Variants in THSD4 observed in about 807,000 individuals in gnomAD.
THSD4 encodes thrombospondin type-1 domain-containing protein 4.
THSD4 carries 69 observed loss-of-function variants against 119.0 expected under a neutral mutation model. The observed-to-expected ratio is 0.58, with a 90% CI of 0.48 to 0.71. THSD4 has a LOEUF of 0.71. THSD4 is among the 30% of genes least tolerant of loss of function. The pLI is 0.00. For missense variants in THSD4, 1,393 were observed against 1,391.1 expected (o/e 1.00, Z -0.02); for synonymous variants, 524 against 540.4 (o/e 0.97, Z 0.42).
chr15:71,583,638 T>C (rs1450160770), intron 7 of THSD4, among the ~76,000 whole-genome samples: 1 of 152,190 alleles, frequency 6.6e-6, no homozygotes, highest in Non-Finnish European at 1.5e-5. Context: ...ATTTTTATTT[T>C]CCCTTTCGAT....
At chr15:71,574,716 C>CCTCTAAACATGAGGT (rs1474959171) in intron 7 of THSD4, among the ~76,000 whole-genome samples, 1 of 152,104 alleles carries the variant, frequency 6.6e-6, no homozygotes, top group Admixed American at 6.6e-5. Flanking sequence ...TGATACAAGA[C>CCTCTAAACATGAGGT]CTCTAAACAT....
chr15:71,737,626 G>A (rs1318593284), intron 10 of THSD4, 106 bp from the exon 11 acceptor site: 9 of 1,425,326 alleles, frequency 6.3e-6, no homozygotes, highest in Non-Finnish European at 8.4e-6. Flanking sequence ...CTGTGACTTA[G>A]AAACGATCTC....
intron 7 of THSD4, among the ~76,000 whole-genome samples, chr15:71,651,630 T>C (rs6494952): frequency 0.4 from 60,781 of 151,924 alleles, 13,075 homozygotes; most frequent in East Asian, 0.9. Flanking sequence ...AATACAAGAT[T>C]TGAATATTTC....
chr15:71,568,730 T>A (rs1457831913), intron 7 of THSD4, among the ~76,000 whole-genome samples: 3 of 152,156 alleles, frequency 2.0e-5, no homozygotes, highest in African/African-American at 7.2e-5. Context: ...CCTCATGCTA[T>A]CCCTCCCCCT....
At chr15:71,772,615 G>T (rs981006745) in intron 17 of THSD4, among the ~76,000 whole-genome samples, 3 of 152,056 alleles carry the variant, frequency 2.0e-5, no homozygotes, top group Non-Finnish European at 2.9e-5. Context: ...AAAACTATTA[G>T]GTTGGTGCAA....
intron 7 of THSD4, among the ~76,000 whole-genome samples, chr15:71,427,635 T>C (rs1372397039): frequency 2.7e-5 from 4 of 148,814 alleles, no homozygotes; most frequent in Non-Finnish European, 4.5e-5. Flanking sequence ...GGATAGAAGT[T>C]GAGGTGACCA....
chr15:71,609,680 G>A (rs932433141), intron 7 of THSD4, among the ~76,000 whole-genome samples: 1 of 151,858 alleles, frequency 6.6e-6, no homozygotes, highest in African/African-American at 2.4e-5. Context: ...GTGAAACCCC[G>A]TCTCTACTAA....
intron 5 of THSD4, among the ~76,000 whole-genome samples, chr15:71,251,716 T>C (rs1288953380): frequency 1.3e-5 from 2 of 152,136 alleles, no homozygotes; most frequent in African/African-American, 4.8e-5. Context: ...TTGGAGATGA[T>C]GCTGTCCGTC....
At chr15:71,276,837 A>G (rs2044595922) in intron 6 of THSD4, among the ~76,000 whole-genome samples, 1 of 152,230 alleles carries the variant, frequency 6.6e-6, no homozygotes, top group Non-Finnish European at 1.5e-5. Flanking sequence ...AACAATATGT[A>G]GCGGATTGTA....
At chr15:71,676,364 C>A (rs1595854478) in intron 8 of THSD4, among the ~76,000 whole-genome samples, 1 of 152,116 alleles carries the variant, frequency 6.6e-6, no homozygotes, top group East Asian at 1.9e-4. Flanking sequence ...TCACTGCAAC[C>A]TCTGCCTCCC....
At chr15:71,502,429 A>T (rs2048125677) in intron 7 of THSD4, among the ~76,000 whole-genome samples, 1 of 152,242 alleles carries the variant, frequency 6.6e-6, no homozygotes, top group African/African-American at 2.4e-5. Flanking sequence ...TTTAGAGGTT[A>T]TCATGGATCA....
Position 71,294,868 on chromosome 15 carries a change from G to A in THSD4, c.1015+38153G>A, listed in dbSNP as rs527248770. The stretch of plus-strand genomic sequence containing the variant: ...TATTTGATGCGTCGGTGGTCACTCG[G>A]AAGGTTGTTATTTTAAAAATACTTA... On this transcript the variant is annotated intron_variant, in intron 6 of 17. Coordinates refer to ENST00000261862, the MANE Select transcript of THSD4 (RefSeq NM_024817.3). Among the ~76,000 whole-genome samples the A allele has an allele frequency of 2.2e-3, 323 of 149,764 alleles. 2 individuals are homozygous for A. Among genetic ancestry groups the A allele is most frequent in the Non-Finnish European group, 3.5e-3 (236 of 67,784 alleles).
chr15:71,266,742 A>T (rs1478127122), intron 6 of THSD4, among the ~76,000 whole-genome samples: 1 of 152,042 alleles, frequency 6.6e-6, no homozygotes, highest in Non-Finnish European at 1.5e-5. Context: ...GCTAACTAGA[A>T]TAACCAGTTT....
chr15:71,594,828 T>C (rs767312662), intron 7 of THSD4, among the ~76,000 whole-genome samples: 2 of 152,128 alleles, frequency 1.3e-5, no homozygotes, highest in Non-Finnish European at 2.9e-5. Context: ...GTTAACAAAG[T>C]ATATTTTATG....
chr15:71,494,299 G>A (rs1306573062), intron 7 of THSD4, among the ~76,000 whole-genome samples: 3 of 151,892 alleles, frequency 2.0e-5, no homozygotes, highest in East Asian at 1.9e-4. Flanking sequence ...AAAAAAGGAC[G>A]GAGCTCATCT....
rs547876186 is a variant in THSD4, at chr15:71,503,094, G to A, written c.1152+91271G>A. Among the ~76,000 whole-genome samples the A allele has an allele frequency of 4.9e-4, 74 of 152,328 alleles. 1 individual carries two copies. The highest frequency in any genetic ancestry group is 1.7e-3 in the African/African-American group (70 of 41,574). On this transcript the variant is annotated intron_variant, in intron 7 of 17. Transcript: ENST00000261862. ...CAGTTAGGTTCCTGTGATAGTGACT[G>A]AAGGACAATTTTAGATGGATGGCAG...
At chr15:71,575,388 A>C (rs1393678942) in intron 7 of THSD4, among the ~76,000 whole-genome samples, 2 of 152,204 alleles carry the variant, frequency 1.3e-5, no homozygotes, top group African/African-American at 4.8e-5. Context: ...ATTTTGTTTT[A>C]GTGATGAGCA....
intron 7 of THSD4, among the ~76,000 whole-genome samples, chr15:71,425,312 C>T (rs909786322): frequency 3.9e-5 from 6 of 152,122 alleles, no homozygotes; most frequent in Non-Finnish European, 5.9e-5. Flanking sequence ...TTATTAATAT[C>T]GGCTTTTTAG....
Position 71,301,131 on chromosome 15 carries a change from G to A in THSD4, c.1015+44416G>A, listed in dbSNP as rs2044942750. ...CAGGTTGGAGGGTTTTTCTGTTGTT[G>A]TTTGTTGTTCAGCAGAAATAGAGAC... On this transcript the variant is annotated intron_variant, in intron 6 of 17. Transcript: ENST00000261862. 2.6e-5 allele frequency among the ~76,000 whole-genome samples: 4 copies of A among 152,066 alleles called. No homozygotes were observed. The South Asian group carries it at 8.3e-4, about 31-fold the overall frequency.
Sources: gnomAD v4.1 joint callset for allele counts (sites outside exome capture counted in the v4.1 genomes callset) on GRCh38, gnomAD v4.1.1 for gene constraint, MANE v1.5 for transcripts, NCBI Gene and HGNC (gene_info 2026-07-23, HGNC 2026-07-21) for gene names.